The following SOX6 variants were observed in gnomAD, a reference collection of about 807,000 sequenced individuals.
SOX6 encodes SRY-box transcription factor 6.
SOX6 carries 11 observed loss-of-function variants against 97.8 expected under a neutral mutation model. The ratio of observed to expected loss-of-function variants is 0.11; its 90% CI spans 0.07 to 0.19. The LOEUF is 0.19. SOX6 is among the 10% of genes least tolerant of loss of function. SOX6 has a pLI of 1.00. For missense variants in SOX6, 810 were observed against 1,039.5 expected (o/e 0.78, Z 3.04); for synonymous variants, 360 against 371.4 (o/e 0.97, Z 0.35).
chr11:16,191,862 CT>C (rs796766643), intron 4 of SOX6, among the ~76,000 whole-genome samples: 3 of 135,552 alleles, frequency 2.2e-5, no homozygotes, highest in African/African-American at 5.7e-5. Flanking sequence ...TCTTTTTTTT[CT>C]TTTTTTTTCT....
chr11:16,399,003 T>C (rs1176421502), intron 1 of SOX6, among the ~76,000 whole-genome samples: 1 of 151,408 alleles, frequency 6.6e-6, no homozygotes, highest in Non-Finnish European at 1.5e-5. Context: ...AAGGTTAAAG[T>C]GACTAAAACA....
At chr11:16,164,598 C>A (rs1040283483) in intron 6 of SOX6, among the ~76,000 whole-genome samples, 1 of 151,892 alleles carries the variant, frequency 6.6e-6, no homozygotes, top group Non-Finnish European at 1.5e-5. Context: ...CCGAGGCGGG[C>A]GGATCACGAG....
intron 2 of SOX6, among the ~76,000 whole-genome samples, chr11:16,331,773 A>G (rs1044728162): frequency 1.3e-5 from 2 of 152,140 alleles, no homozygotes; most frequent in Non-Finnish European, 2.9e-5. Flanking sequence ...AATGTCACCA[A>G]TTTAACACAA....
At chr11:16,402,805 A>G in intron 1 of SOX6, 1 of 1,574,832 alleles carries the variant, frequency 6.3e-7, no homozygotes. Flanking sequence ...ACAACCTTTC[A>G]TGTCCTTGAA....
At chr11:16,482,771 A>G (rs1296403992) in intron 4 of SOX6, among the ~76,000 whole-genome samples, 1 of 142,876 alleles carries the variant, frequency 7.0e-6, no homozygotes, top group Non-Finnish European at 1.5e-5. Flanking sequence ...TGCCTTATAC[A>G]TACTTCACAT....
intron 3 of SOX6, among the ~76,000 whole-genome samples, chr11:16,671,200 A>G (rs376565300): frequency 5.6e-4 from 86 of 152,390 alleles, no homozygotes; most frequent in African/African-American, 1.9e-3. Flanking sequence ...GATGAGGAAG[A>G]ACCAAGACAA....
intron 8 of SOX6, among the ~76,000 whole-genome samples, 177 bp downstream of exon 8, chr11:16,097,432 T>C (rs1445925859): frequency 6.6e-6 from 1 of 151,874 alleles, no homozygotes; most frequent in Non-Finnish European, 1.5e-5. Context: ...TTAAAAATAT[T>C]GAAACTGGCA....
chr11:16,669,816 T>A (rs947521086), intron 3 of SOX6, among the ~76,000 whole-genome samples: 1 of 152,140 alleles, frequency 6.6e-6, no homozygotes, highest in Non-Finnish European at 1.5e-5. Context: ...CCTGGAACTC[T>A]GACACAACCA....
intron 12 of SOX6, among the ~76,000 whole-genome samples, chr11:16,022,326 CCTT>C (rs1172135997): frequency 1.3e-5 from 2 of 148,688 alleles, no homozygotes; most frequent in East Asian, 2.0e-4. Context: ...TTCCTTCCTT[CCTT>C]CTTTCCTTCC....
intron 2 of SOX6, among the ~76,000 whole-genome samples, chr11:16,717,853 C>T (rs1407918438): frequency 1.3e-5 from 2 of 151,284 alleles, no homozygotes; most frequent in Non-Finnish European, 2.9e-5. Flanking sequence ...TATGGCAACT[C>T]TTCCTCTTTG....
At chr11:16,685,644 A>ACAGC (rs1231033967) in intron 3 of SOX6, among the ~76,000 whole-genome samples, 1 of 152,266 alleles carries the variant, frequency 6.6e-6, no homozygotes, top group Admixed American at 6.5e-5. Context: ...AGCTGCTCTC[A>ACAGC]TGCACTAGAG....
chr11:16,247,784 C>G (rs1853383858), intron 3 of SOX6, among the ~76,000 whole-genome samples: 1 of 152,024 alleles, frequency 6.6e-6, no homozygotes, highest in Non-Finnish European at 1.5e-5. Context: ...TCATTTTGCC[C>G]CTGGTCCCTC....
chr11:16,152,414 C>G (rs1210575258), intron 6 of SOX6, among the ~76,000 whole-genome samples: 1 of 152,086 alleles, frequency 6.6e-6, no homozygotes, highest in Non-Finnish European at 1.5e-5. Flanking sequence ...ACTTCACAAA[C>G]AAATATAAAG....
At chr11:16,286,992 A>C (rs888042173) in intron 3 of SOX6, among the ~76,000 whole-genome samples, 2 of 151,962 alleles carry the variant, frequency 1.3e-5, no homozygotes, top group African/African-American at 2.4e-5. Context: ...TAATGGAAGA[A>C]GTTTGTTATG....
At chr11:16,637,091 G>T (rs1228394634) in intron 3 of SOX6, among the ~76,000 whole-genome samples, 1 of 150,844 alleles carries the variant, frequency 6.6e-6, no homozygotes, top group East Asian at 1.9e-4. Context: ...ATTTTTTTTT[G>T]AAACAACAAG....
intron 3 of SOX6, among the ~76,000 whole-genome samples, chr11:16,659,129 G>C (rs1013840052): frequency 4.6e-5 from 7 of 152,116 alleles, no homozygotes; most frequent in African/African-American, 1.4e-4. Context: ...AGGTCACCTA[G>C]ATTTTCTTTG....
intron 4 of SOX6, among the ~76,000 whole-genome samples, chr11:16,217,954 C>T (rs1025142290): frequency 3.3e-5 from 5 of 152,002 alleles, no homozygotes; most frequent in East Asian, 1.9e-4. Context: ...AAGTCGCCTC[C>T]TAGATAAGTT....
intron 4 of SOX6, among the ~76,000 whole-genome samples, chr11:16,224,746 G>T (rs1284390604): frequency 6.6e-6 from 1 of 151,904 alleles, no homozygotes; most frequent in Non-Finnish European, 1.5e-5. Flanking sequence ...GAGTCCATGG[G>T]TTCTGCAATA....
At chr11:16,529,788 A>T (rs1565173180) in intron 4 of SOX6, among the ~76,000 whole-genome samples, 1 of 152,040 alleles carries the variant, frequency 6.6e-6, no homozygotes, top group Non-Finnish European at 1.5e-5. Flanking sequence ...TGGCACTCAG[A>T]CCCTTTAACA....
Sources: gnomAD v4.1 joint callset for allele counts (sites outside exome capture counted in the v4.1 genomes callset) on GRCh38, gnomAD v4.1.1 for gene constraint, MANE v1.5 for transcripts, NCBI Gene and HGNC (gene_info 2026-07-23, HGNC 2026-07-21) for gene names.